CEP41: variants seen among roughly 807,000 people sequenced by gnomAD.
CEP41 encodes centrosomal protein 41, also known as centrosomal protein of 41 kDa.
In CEP41, 32 loss-of-function variants were observed where a neutral mutation model predicts 44.3. The ratio of observed to expected loss-of-function variants is 0.72; its 90% CI spans 0.54 to 0.97. CEP41 has a LOEUF of 0.97. CEP41 is among the 50% of genes least tolerant of loss of function. CEP41 has a pLI of 0.00. For synonymous variants in CEP41, 151 were observed against 168.5 expected, an observed-to-expected ratio of 0.90 and a Z score of 0.80; for missense variants, 432 against 455.2, an observed-to-expected ratio of 0.95 and a Z score of 0.46.
intron 2 of CEP41, chr7:130,426,636 A>G (rs984559044): frequency 8.8e-6 from 4 of 456,116 alleles, no homozygotes; most frequent in African/African-American, 8.0e-5. Context: ...TACCTCACAG[A>G]ATCACTTACT....
At chr7:130,412,999 C>A (rs1422640345) in intron 3 of CEP41, among the ~76,000 whole-genome samples, 1 of 152,186 alleles carries the variant, frequency 6.6e-6, no homozygotes, top group East Asian at 1.9e-4. Flanking sequence ...TGTTTACTAC[C>A]ATTTTATTTT....
intron 9 of CEP41, 169 bp downstream of exon 9, chr7:130,400,538 C>A: frequency 3.0e-6 from 2 of 663,044 alleles, no homozygotes; most frequent in South Asian, 1.7e-5. Flanking sequence ...AAAACATGTG[C>A]TGATGAAGCT....
intron 1 of CEP41, among the ~76,000 whole-genome samples, chr7:130,437,764 C>CAAAAAAAAAAAAAAAAAAAAAAA (rs1171735164): frequency 3.1e-5 from 1 of 32,424 alleles, no homozygotes; most frequent in East Asian, 1.1e-3. Flanking sequence ...AAGACTGTCT[C>CAAAAAAAAAAAAAAAAAAAAAAA]AAAAAAAAAA....
At chr7:130,438,361 C>A (rs557544833) in intron 1 of CEP41, among the ~76,000 whole-genome samples, 1 of 152,158 alleles carries the variant, frequency 6.6e-6, no homozygotes, top group East Asian at 1.9e-4. Flanking sequence ...AAGTTTGAGA[C>A]CAGACTGGGC....
At position 130,400,116 on chromosome 7, in the gene CEP41, T is replaced by C; in HGVS notation, c.896A>G (p.Lys299Arg). The C allele has an allele frequency of 6.2e-7, 1 of 1,613,880 alleles. No individual in the cohort carries two copies. The highest frequency in any genetic ancestry group is 8.5e-7 in the Non-Finnish European group (1 of 1,179,940). The change falls in exon 10 of 11, where the codon AAA (lysine) becomes AGA (arginine). Residue 299 changes from lysine to arginine, a missense_variant. Lys to Arg is a conservative substitution (Grantham distance 26). Coordinates refer to ENST00000223208, the MANE Select transcript of CEP41 (RefSeq NM_018718.3). ...PKGPPLPAENKWRFTPEDLKK... is the reference protein window; with the variant it reads ...PKGPPLPAENRWRFTPEDLKK... ...TAAGTCTTCTGGGGTAAATCTCCAT[T>C]TATTCTCAGCTGGTAGGGGTGGCCC...
chr7:130,440,552 C>T, intron 1 of CEP41: 1 of 431,074 alleles, frequency 2.3e-6, no homozygotes. Flanking sequence ...TTCCTGTATC[C>T]CCACAATCAG....
At chr7:130,405,002 G>A (rs1300212859) in intron 5 of CEP41, among the ~76,000 whole-genome samples, 1 of 152,176 alleles carries the variant, frequency 6.6e-6, no homozygotes, top group Non-Finnish European at 1.5e-5. Context: ...TAGCACCTTA[G>A]TAAGAATCAG....
intron 2 of CEP41, chr7:130,426,534 C>A: frequency 2.6e-6 from 1 of 381,920 alleles, no homozygotes; most frequent in South Asian, 2.0e-5. Context: ...AGAAAGTATA[C>A]AGATTCCAAA....
intron 2 of CEP41, among the ~76,000 whole-genome samples, chr7:130,424,399 CAAA>C (rs35053180): frequency 1.3e-4 from 13 of 96,498 alleles, no homozygotes; most frequent in Non-Finnish European, 8.7e-5. Context: ...GACCCTGTCT[CAAA>C]AAAAAAAAAA....
Position 130,404,719 on chromosome 7 carries a change from C to A in CEP41, c.278-11G>T, listed in dbSNP as rs1449595757. The A allele has an allele frequency of 6.3e-7, 1 of 1,597,536 alleles. No individual in the cohort carries two copies. Among genetic ancestry groups the A allele is most frequent in the Non-Finnish European group, 8.6e-7 (1 of 1,165,180 alleles). On this transcript the variant is annotated splice_polypyrimidine_tract_variant and intron_variant, in intron 5 of 10. Coordinates refer to ENST00000223208, the MANE Select transcript of CEP41 (RefSeq NM_018718.3). ...CTGCAGAATCATTGTCTAATATTTA[C>A]AAATGAAGAAATAATTAGATTGAAC...
At chr7:130,399,186 T>G in intron 10 of CEP41, 147 bp from the exon 11 acceptor site, 1 of 889,390 alleles carries the variant, frequency 1.1e-6, no homozygotes, top group Non-Finnish European at 1.8e-6. Context: ...AGGCCAACGA[T>G]GGCCTACTCC....
intron 1 of CEP41, among the ~76,000 whole-genome samples, chr7:130,433,328 T>TG (rs1225599392): frequency 1.4e-5 from 2 of 148,016 alleles, no homozygotes; most frequent in Admixed American, 1.3e-4. Flanking sequence ...TATTTTGTTT[T>TG]GAAAAAAAAA....
At position 130,422,059 on chromosome 7, in the gene CEP41, C is replaced by T. The variant is rs1797525442; in HGVS notation, c.98-5093G>A. On this transcript the variant is annotated intron_variant, in intron 2 of 10. Coordinates refer to ENST00000223208, the MANE Select transcript of CEP41 (RefSeq NM_018718.3). The stretch of plus-strand genomic sequence containing the variant: ...TTCAAAATAATTCTGAGATTTCTAG[C>T]CATGGCTGCACTCAGTGTTTGAGTT... The T allele has an allele frequency of 5.9e-6, 9 of 1,532,612 alleles. No homozygotes were observed. The East Asian group carries it at 2.2e-4, about 38-fold the overall frequency. The allele number at this position is 1,532,612 out of a possible 1,614,324, so 94.9% of individuals were successfully genotyped here. A position where few individuals can be genotyped will look rare whatever the true frequency, so the allele number is the denominator to read the frequency against.
chr7:130,420,864 G>C, intron 2 of CEP41: 2 of 900,662 alleles, frequency 2.2e-6, no homozygotes, highest in Non-Finnish European at 2.7e-6. Context: ...CTTATAATGA[G>C]TTATTTTATA....
At chr7:130,404,362 C>T (rs1382060665) in intron 6 of CEP41, among the ~76,000 whole-genome samples, 1 of 152,020 alleles carries the variant, frequency 6.6e-6, no homozygotes, top group Non-Finnish European at 1.5e-5. Context: ...TATATTCTCA[C>T]ATTAACTCAG....
Position 130,396,203 on chromosome 7 carries a change from C to T in CEP41, c.*2688G>A. The T allele has an allele frequency of 2.2e-6, 1 of 453,968 alleles. No homozygotes were observed. The allele number at this position is 453,968 out of a possible 1,614,324, so 28.1% of individuals were successfully genotyped here. A position where few individuals can be genotyped will look rare whatever the true frequency, so the allele number is the denominator to read the frequency against. ...TGTTCAGGGTGCTGTAGTTGTACAT[C>T]GATGAAGCACCTTCTGTCTCAGGGT... On this transcript the variant is annotated 3_prime_UTR_variant, in exon 11 of 11. Coordinates refer to ENST00000223208, the MANE Select transcript of CEP41 (RefSeq NM_018718.3).
At chr7:130,415,753 C>A (rs1409089195) in intron 3 of CEP41, among the ~76,000 whole-genome samples, 1 of 152,160 alleles carries the variant, frequency 6.6e-6, no homozygotes, top group East Asian at 1.9e-4. Context: ...CAGCTGGATT[C>A]TGCCTGTCTT....
At chr7:130,428,058 A>T (rs1554424147) in intron 1 of CEP41, 40 bp from the exon 2 acceptor site, 1 of 1,313,622 alleles carries the variant, frequency 7.6e-7, no homozygotes, top group Non-Finnish European at 1.1e-6. Context: ...GGGTTAATGT[A>T]AGGATAACGA....
chr7:130,415,361 G>A (rs1797303261), intron 3 of CEP41, among the ~76,000 whole-genome samples: 1 of 152,184 alleles, frequency 6.6e-6, no homozygotes, highest in Non-Finnish European at 1.5e-5. Context: ...GAAAGAGAAG[G>A]AAATATCTTC....
Sources: gnomAD v4.1 joint callset for allele counts (sites outside exome capture counted in the v4.1 genomes callset) on GRCh38, gnomAD v4.1.1 for gene constraint, MANE v1.5 for transcripts, NCBI Gene and HGNC (gene_info 2026-07-23, HGNC 2026-07-21) for gene names.